NEFH: variants seen among roughly 807,000 people sequenced by gnomAD.
NEFH encodes the protein neurofilament heavy polypeptide.
Under a neutral mutation model 56.6 loss-of-function variants are expected in NEFH, and 58 were observed. That is an observed-to-expected ratio of 1.03 (90% CI 0.83 to 1.28). The LOEUF is 1.28. Among genes scored for constraint, NEFH ranks in the 50% most tolerant of loss-of-function variants. NEFH has a pLI of 0.00. For missense variants in NEFH, 1,221 were observed against 1,307.6 expected (o/e 0.93, Z 1.02); for synonymous variants, 542 against 545.8 (o/e 0.99, Z 0.10).
In NEFH at chr22:29,480,848, G is replaced by A; in HGVS notation, c.586G>A (p.Glu196Lys). The A allele has an allele frequency of 2.9e-6, 4 of 1,394,686 alleles. No individual in the cohort carries two copies. The highest frequency in any genetic ancestry group is 3.7e-6 in the Non-Finnish European group (4 of 1,087,084). The allele number at this position is 1,394,686 out of a possible 1,614,324, so 86.4% of individuals were successfully genotyped here. A position where few individuals can be genotyped will look rare whatever the true frequency, so the allele number is the denominator to read the frequency against. ...DDEARQREEA[E>K]AAARALARFA... is the part of the protein sequence containing the mutation. ...CGAGGCCCGGCAGCGAGAGGAGGCC[G>A]AGGCGGCGGCCCGCGCGCTGGCGCG... The change falls in exon 1 of 4, where the codon GAG becomes AAG. Residue 196 changes from glutamate (E) to lysine (K), a missense_variant. Glu to Lys is a moderately conservative substitution (Grantham distance 56, BLOSUM62 1). Around this residue, in one of 4 missense-constraint regions of NEFH, gnomAD observed 640 missense variants for 555.5 expected, o/e 1.15. Coordinates refer to ENST00000310624, the MANE Select transcript of NEFH (RefSeq NM_021076.4).
chr22:29,483,672 A>T (rs775797988), intron 2 of NEFH, 98 bp downstream of exon 2: 196 of 1,171,500 alleles, frequency 1.7e-4, no homozygotes, highest in Non-Finnish European at 2.1e-4. Context: ...AGTGGTTAAG[A>T]TTGTGGCCCT....
At position 29,483,586 on chromosome 22, in the gene NEFH, C is replaced by G; in HGVS notation, c.1083+12C>G. On this transcript the variant is annotated intron_variant, in intron 2 of 3. Transcript: ENST00000310624. ...TTGCCTCCTACCAGGTGGGCAGGGG[C>G]AAGGCAGACAGCCAGACTGCCTTAC... 6.2e-7 allele frequency: 1 copy of G among 1,612,868 alleles called. No individual in the cohort carries two copies. Among genetic ancestry groups the G allele is most frequent in the Non-Finnish European group, 8.5e-7 (1 of 1,179,806 alleles).
intron 3 of NEFH, among the ~76,000 whole-genome samples, chr22:29,487,726 G>T (rs758369887): frequency 1.3e-5 from 2 of 152,218 alleles, no homozygotes; most frequent in African/African-American, 2.4e-5. Context: ...AAGATCCCCG[G>T]TCATCTGTGT....
intron 1 of NEFH, 118 bp from the exon 2 acceptor site, chr22:29,483,257 C>G: frequency 1.0e-6 from 1 of 957,082 alleles, no homozygotes; most frequent in South Asian, 1.6e-5. Context: ...CCAGCCTGGG[C>G]GAGAGCGAGA....
intron 3 of NEFH, 29 bp from the exon 4 acceptor site, chr22:29,488,820 A>G (rs746250651): frequency 4.7e-5 from 75 of 1,611,744 alleles, no homozygotes; most frequent in Middle Eastern, 1.6e-4. Flanking sequence ...CTGAGTTTAT[A>G]CTAATGTGTT....
Position 29,483,560 on chromosome 22 carries a change from A to G in NEFH, c.1069A>G (p.Ile357Val), listed in dbSNP as rs1183869467. The G allele has an allele frequency of 1.2e-6, 2 of 1,613,760 alleles. No homozygotes were observed. The highest frequency in any genetic ancestry group is 1.7e-5 in the Admixed American group (1 of 60,022). The change falls in exon 2 of 4, where the codon ATT (isoleucine) becomes GTT (valine). Residue 357 changes from isoleucine to valine, a missense_variant. By Grantham distance (29) the Ile-to-Val change is conservative (BLOSUM62 3). Around this residue, in one of 4 missense-constraint regions of NEFH, gnomAD observed 640 missense variants for 555.5 expected, o/e 1.15. Transcript: ENST00000310624. The part of the protein sequence containing the change: ...SELEDRHQAD[I>V]ASYQEAIQQL... ...GCTGGAGGACCGTCATCAGGCCGACATTGCCTCCTACCAGGTGGGCAGGGG... is the reference window on the plus strand; with the variant it reads ...GCTGGAGGACCGTCATCAGGCCGACGTTGCCTCCTACCAGGTGGGCAGGGG...
At chr22:29,482,905 A>G (rs1001953875) in intron 1 of NEFH, among the ~76,000 whole-genome samples, 1 of 152,146 alleles carries the variant, frequency 6.6e-6, no homozygotes, top group Admixed American at 6.6e-5. Context: ...ACTTGCCTTT[A>G]TCTCACAGGA....
At position 29,480,427 on chromosome 22, in the gene NEFH, G is replaced by A. The variant is rs897546803; in HGVS notation, c.165G>A (p.Val55=). The A allele has an allele frequency of 5.2e-6, 8 of 1,532,364 alleles. No homozygotes were observed. In the Admixed American group the frequency reaches 1.4e-4, roughly 26 times the overall value. 94.9% of individuals were successfully genotyped at this position (1,532,364 alleles called of 1,614,324 possible). A position where few individuals can be genotyped will look rare whatever the true frequency, so the allele number is the denominator to read the frequency against. The change falls in exon 1 of 4, where the codon GTG becomes GTA. Residue 55 remains valine (V), a synonymous_variant. Coordinates refer to ENST00000310624, the MANE Select transcript of NEFH (RefSeq NM_021076.4). ...TCCACTCGTGGACACGGACGTCCGT[G>A]AGCTCCGTGTCCGCCTCGCCCAGCC... The part of the protein sequence containing the change: ...SGFHSWTRTS[V]SSVSASPSRF...
In NEFH at chr22:29,489,334, A is replaced by G. The variant is rs1380769579; in HGVS notation, c.1694A>G (p.Lys565Arg). Reference sequence around the variant, plus strand: ...GAGGCAAAGTCACCGCCTGAGGCCAAGTCCCCAGAGAAGGAGGAAGCAAAA... The same window carrying G: ...GAGGCAAAGTCACCGCCTGAGGCCAGGTCCCCAGAGAAGGAGGAAGCAAAA... ...KEEAKSPPEA[K>R]SPEKEEAKSP... Residue 565 changes from lysine (K) to arginine (R), a missense_variant, in exon 4 of 4, where the codon AAG (lysine) becomes AGG (arginine). This residue lies in a region of NEFH where 243 missense variants were observed against 299.1 expected (regional missense o/e 0.81). Transcript: ENST00000310624. 3.7e-6 allele frequency: 6 copies of G among 1,613,634 alleles called. No homozygotes were observed. In the African/African-American group the frequency reaches 6.7e-5, roughly 18 times the overall value.
At chr22:29,481,181 T>C (rs1016522580) in intron 1 of NEFH, 36 bp downstream of exon 1, 15 of 1,521,500 alleles carry the variant, frequency 9.9e-6, no homozygotes, top group Admixed American at 9.8e-5. Flanking sequence ...GGGGCGCCCC[T>C]GCTGACCCCG....
intron 3 of NEFH, among the ~76,000 whole-genome samples, chr22:29,487,222 C>T (rs1047939092): frequency 9.9e-5 from 15 of 152,132 alleles, no homozygotes; most frequent in African/African-American, 1.7e-4. Context: ...GGACTTGTCC[C>T]AGTTCTGACT....
Position 29,480,596 on chromosome 22 carries a change from A to G in NEFH, c.334A>G (p.Ile112Val). 1 of 1,562,368 alleles carries G rather than the reference A, an allele frequency of 6.4e-7. No individual in the cohort carries two copies. The highest frequency in any genetic ancestry group is 2.3e-5 in the East Asian group (1 of 43,212). The change falls in exon 1 of 4, where the codon ATC becomes GTC. Residue 112 changes from isoleucine to valine, a missense_variant. Physicochemically the swap from Ile to Val is conservative, Grantham distance 29 (BLOSUM62 3). Coordinates refer to ENST00000310624, the MANE Select transcript of NEFH (RefSeq NM_021076.4). ...QALNDRFAGY[I>V]DKVRQLEAHN... ...GCTGAACGACCGCTTCGCCGGGTAC[A>G]TCGACAAGGTGCGGCAGCTGGAGGC...
chr22:29,482,499 G>C (rs2063018011), intron 1 of NEFH, among the ~76,000 whole-genome samples: 1 of 152,218 alleles, frequency 6.6e-6, no homozygotes, highest in African/African-American at 2.4e-5. Flanking sequence ...GCAATGCTCA[G>C]CTAGGTGGAG....
chr22:29,489,946 C>T lies in NEFH; in HGVS notation c.2306C>T (p.Pro769Leu), dbSNP rs1212640571. The T allele has an allele frequency of 5.0e-5, 81 of 1,612,964 alleles. No individual in the cohort carries two copies. The highest frequency in any genetic ancestry group is 6.6e-5 in the Non-Finnish European group (78 of 1,179,838). The change falls in exon 4 of 4, where the codon CCA (proline) becomes CTA (leucine). Residue 769 changes from proline to leucine, a missense_variant. Pro to Leu is a moderately conservative substitution (Grantham distance 98). Coordinates refer to ENST00000310624, the MANE Select transcript of NEFH (RefSeq NM_021076.4). ...LDVKSPEAKT[P>L]AKEEARSPAD... ...GTGAAGTCTCCAGAAGCCAAGACTC[C>T]AGCGAAGGAGGAAGCAAGGTCCCCT...
rs1457436306 is a variant in NEFH, at chr22:29,480,578, G to T, written c.316G>T (p.Asp106Tyr). The stretch of plus-strand genomic sequence containing the variant: ...GAAGGAGCAGCTGCAGGCGCTGAAC[G>T]ACCGCTTCGCCGGGTACATCGACAA... ...SEKEQLQALN[D>Y]RFAGYIDKVR... The change falls in exon 1 of 4, where the codon GAC (aspartate) becomes TAC (tyrosine). Residue 106 changes from aspartate (D) to tyrosine (Y), a missense_variant. Asp to Tyr is a radical substitution (Grantham distance 160, BLOSUM62 -3). This residue lies in a region of NEFH where 640 missense variants were observed against 555.5 expected (regional missense o/e 1.15). Coordinates refer to ENST00000310624, the MANE Select transcript of NEFH (RefSeq NM_021076.4). The T allele has an allele frequency of 1.3e-6, 2 of 1,552,954 alleles. No homozygotes were observed. Among genetic ancestry groups the T allele is most frequent in the Non-Finnish European group, 1.7e-6 (2 of 1,157,706 alleles).
Position 29,488,940 on chromosome 22 carries a change from A to G in NEFH, c.1300A>G (p.Thr434Ala), listed in dbSNP as rs1297990024. The change falls in exon 4 of 4, where the codon ACT (threonine) becomes GCT (alanine). Residue 434 changes from threonine to alanine, a missense_variant. Transcript: ENST00000310624. ...EGLPKIPSVS[T>A]HIKVKSEEKI... ...ACTCCCCAAAATTCCCTCTGTGTCC[A>G]CTCACATAAAGGTGAAAAGCGAAGA... The G allele has an allele frequency of 1.9e-6, 3 of 1,614,066 alleles. No homozygotes were observed. The highest frequency in any genetic ancestry group is 2.7e-5 in the African/African-American group (2 of 74,910).
Position 29,490,072 on chromosome 22 carries a change from A to G in NEFH, c.2432A>G (p.Glu811Gly), listed in dbSNP as rs868763080. The change falls in exon 4 of 4, where the codon GAG becomes GGG. Residue 811 changes from glutamate to glycine, a missense_variant. Physicochemically the swap from Glu to Gly is moderately conservative, Grantham distance 98. Around this residue, in one of 4 missense-constraint regions of NEFH, gnomAD observed 301 missense variants for 346.6 expected, o/e 0.87. Transcript: ENST00000310624. Reference protein sequence around the residue: ...SPLKEDAKAPEKEIPKKEEVK... With the variant: ...SPLKEDAKAPGKEIPKKEEVK... The stretch of plus-strand genomic sequence containing the variant: ...CTGAAGGAGGATGCCAAGGCCCCTG[A>G]GAAGGAGATCCCAAAAAAGGAAGAG... 1 of 1,613,990 alleles carries G rather than the reference A, an allele frequency of 6.2e-7. No individual in the cohort carries two copies. The highest frequency in any genetic ancestry group is 1.3e-5 in the African/African-American group (1 of 75,040).
rs747091441 is a variant in NEFH, at chr22:29,488,944, A to T, written c.1304A>T (p.His435Leu). The T allele has an allele frequency of 5.6e-6, 9 of 1,614,198 alleles. 1 individual carries two copies. In the South Asian group the frequency reaches 9.9e-5, roughly 18 times the overall value. ...CCCAAAATTCCCTCTGTGTCCACTCACATAAAGGTGAAAAGCGAAGAGAAG... is the reference window on the plus strand; with the variant it reads ...CCCAAAATTCCCTCTGTGTCCACTCTCATAAAGGTGAAAAGCGAAGAGAAG... The part of the protein sequence containing the change: ...GLPKIPSVST[H>L]IKVKSEEKIK... Residue 435 changes from histidine (H) to leucine (L), a missense_variant, in exon 4 of 4, where the codon CAC (histidine) becomes CTC (leucine). By Grantham distance (99) the His-to-Leu change is moderately conservative. Around this residue, in one of 4 missense-constraint regions of NEFH, gnomAD observed 243 missense variants for 299.1 expected, o/e 0.81. Coordinates refer to ENST00000310624, the MANE Select transcript of NEFH (RefSeq NM_021076.4).
chr22:29,486,191 AT>A (rs138706088), intron 3 of NEFH, among the ~76,000 whole-genome samples: 200 of 141,502 alleles, frequency 1.4e-3, no homozygotes, highest in Admixed American at 1.6e-3. Flanking sequence ...GCTAATTTTT[AT>A]TTTTTTTTTT....
Sources: gnomAD v4.1 joint callset for allele counts (sites outside exome capture counted in the v4.1 genomes callset) on GRCh38, gnomAD v4.1.1 for gene constraint, gnomAD v4.1.1 regional missense constraint, MANE v1.5 for transcripts, NCBI Gene and HGNC (gene_info 2026-07-23, HGNC 2026-07-21) for gene names.